Variants in THSD7B observed in about 807,000 individuals in gnomAD.
THSD7B encodes the protein thrombospondin type-1 domain-containing protein 7B.
In THSD7B, 138 loss-of-function variants were observed where a neutral mutation model predicts 213.6. The observed-to-expected ratio is 0.65, with a 90% confidence interval of 0.56 to 0.74. The LOEUF (loss-of-function observed/expected upper bound fraction) is 0.74, where lower values mean the gene tolerates loss of function less well. Among genes scored for constraint, THSD7B ranks in the 30% least tolerant of loss-of-function variants. The probability of loss-of-function intolerance (pLI) is 0.00; values close to 1 mark genes in which losing one functional copy is unlikely to be tolerated. For synonymous variants in THSD7B, 742 were observed against 687.0 expected, an observed-to-expected ratio of 1.08 and a Z score of -1.25; for missense variants, 1,931 against 1,991.5, an observed-to-expected ratio of 0.97 and a Z score of 0.58.
At chr2:137,413,783 A>C (rs974677780) in intron 14 of THSD7B, among the ~76,000 whole-genome samples, 2 of 152,138 alleles carry the variant, frequency 1.3e-5, no homozygotes, top group African/African-American at 4.8e-5. Context: ...GGGGTAAGTA[A>C]TGTTATCCAA....
chr2:137,138,513 T>C (rs1026691505), intron 5 of THSD7B, among the ~76,000 whole-genome samples: 3 of 152,198 alleles, frequency 2.0e-5, no homozygotes, highest in African/African-American at 4.8e-5. Context: ...GTGTGCTCAT[T>C]GTATACCTTC....
At chr2:137,675,196 C>A (rs1398759851) in intron 27 of THSD7B, among the ~76,000 whole-genome samples, 1 of 151,856 alleles carries the variant, frequency 6.6e-6, no homozygotes, top group East Asian at 1.9e-4. Flanking sequence ...GGAGGGACTG[C>A]TTGGAAGAGT....
At chr2:137,178,176 CAGTG>C (rs1367440820) in intron 7 of THSD7B, among the ~76,000 whole-genome samples, 1 of 149,318 alleles carries the variant, frequency 6.7e-6, no homozygotes, top group Admixed American at 6.7e-5. Context: ...CAGAAGCAAG[CAGTG>C]AGTAAATTTT....
At chr2:136,820,784 A>G (rs1031098542) in intron 1 of THSD7B, among the ~76,000 whole-genome samples, 1 of 152,228 alleles carries the variant, frequency 6.6e-6, no homozygotes, top group African/African-American at 2.4e-5. Context: ...TACAAAATAC[A>G]TATGAAGTAT....
intron 3 of THSD7B, among the ~76,000 whole-genome samples, chr2:137,069,125 C>T (rs73958321): frequency 0.012 from 1,787 of 152,122 alleles, 35 homozygotes; most frequent in African/African-American, 0.04. Flanking sequence ...TGTCTCAGTG[C>T]ACATCCTAAT....
chr2:137,014,585 G>T (rs1290714249), intron 2 of THSD7B, among the ~76,000 whole-genome samples: 1 of 152,118 alleles, frequency 6.6e-6, no homozygotes, highest in Non-Finnish European at 1.5e-5. Context: ...CTTTCATTTG[G>T]TCTATTAAAG....
At chr2:137,405,472 G>T in intron 12 of THSD7B, 141 bp from the exon 13 acceptor site, 1 of 584,272 alleles carries the variant, frequency 1.7e-6, no homozygotes, top group Non-Finnish European at 2.8e-6. Flanking sequence ...AGAGAAATAA[G>T]GTTAGCTATG....
intron 7 of THSD7B, among the ~76,000 whole-genome samples, chr2:137,214,657 C>T (rs1180789931): frequency 6.6e-6 from 1 of 151,868 alleles, no homozygotes; most frequent in Admixed American, 6.6e-5. Context: ...TGTTCAACTC[C>T]CACTTACGAG....
intron 2 of THSD7B, among the ~76,000 whole-genome samples, chr2:136,955,209 GA>G (rs1401197558): frequency 4.6e-5 from 7 of 152,168 alleles, no homozygotes; most frequent in African/African-American, 1.4e-4. Flanking sequence ...TGTGCAATTT[GA>G]GGTGATGTTT....
chr2:137,554,008 A>G (rs1420208988), intron 15 of THSD7B, among the ~76,000 whole-genome samples: 1 of 141,094 alleles, frequency 7.1e-6, no homozygotes, highest in African/African-American at 2.7e-5. Flanking sequence ...ATTTTTCACG[A>G]TTCTTAAAAG....
intron 1 of THSD7B, among the ~76,000 whole-genome samples, chr2:136,809,617 A>G (rs2433919): frequency 0.99 from 150,838 of 152,290 alleles, 74,710 homozygotes; most frequent in East Asian, 1. Flanking sequence ...CAGAGGAACA[A>G]CAAAGTTAGA....
intron 1 of THSD7B, among the ~76,000 whole-genome samples, chr2:136,859,083 C>G (rs1466506118): frequency 6.6e-6 from 1 of 152,156 alleles, no homozygotes; most frequent in East Asian, 1.9e-4. Flanking sequence ...CTAATGTCCT[C>G]TAGGATTAGT....
At chr2:137,204,154 C>T (rs1235157946) in intron 7 of THSD7B, among the ~76,000 whole-genome samples, 1 of 152,086 alleles carries the variant, frequency 6.6e-6, no homozygotes, top group African/African-American at 2.4e-5. Context: ...TTACATGGCA[C>T]CTGGAGTGGG....
chr2:136,826,247 A>T (rs1682645056), intron 1 of THSD7B, among the ~76,000 whole-genome samples: 1 of 152,228 alleles, frequency 6.6e-6, no homozygotes, highest in Admixed American at 6.5e-5. Context: ...GTTTAATAAG[A>T]AGCCAGGTTC....
chr2:137,466,545 A>T (rs1009783672), intron 15 of THSD7B, among the ~76,000 whole-genome samples: 6 of 151,552 alleles, frequency 4.0e-5, no homozygotes, highest in Admixed American at 2.6e-4. Flanking sequence ...ACTGTGTTTT[A>T]TGTGTGGCCC....
At chr2:137,050,622 A>C (rs1221609774) in intron 2 of THSD7B, among the ~76,000 whole-genome samples, 3 of 152,214 alleles carry the variant, frequency 2.0e-5, no homozygotes, top group Admixed American at 2.0e-4. Context: ...TACCTTTATA[A>C]GTAAATCTTT....
Position 136,954,740 on chromosome 2 carries a change from T to TAAAAAAAAAAAAAAG in THSD7B, c.139+72424_139+72425insAAAAAAAAAAAAAGA, listed in dbSNP as rs773677139. ...AAAAAAAAAAAAAAAAAAAAGAAAT[T>TAAAAAAAAAAAAAAG]ACATAAGAGCTTTTATACTGTTTAT... On this transcript the variant is annotated intron_variant, in intron 2 of 27. Transcript: ENST00000409968. 1.1e-4 allele frequency among the ~76,000 whole-genome samples: 15 copies of TAAAAAAAAAAAAAAG among 137,488 alleles called. 1 individual carries two copies. The highest frequency in any genetic ancestry group is 4.3e-4 in the East Asian group (2 of 4,652). The allele number at this position is 137,488 out of a possible 152,430, so 90.2% of individuals were successfully genotyped here.
intron 16 of THSD7B, among the ~76,000 whole-genome samples, chr2:137,569,634 G>C (rs952071947): frequency 6.6e-6 from 1 of 151,892 alleles, no homozygotes; most frequent in African/African-American, 2.4e-5. Flanking sequence ...TCTTTGTTCT[G>C]TGTTGTAAAT....
chr2:137,427,704 C>T (rs1441941173), intron 14 of THSD7B, among the ~76,000 whole-genome samples: 1 of 152,012 alleles, frequency 6.6e-6, no homozygotes, highest in Non-Finnish European at 1.5e-5. Flanking sequence ...GAATGCTGAT[C>T]AAAGCGTACA....
Sources: allele counts gnomAD v4.1 joint callset (sites outside exome capture counted in the v4.1 genomes callset), GRCh38; gene constraint gnomAD v4.1.1; transcripts MANE v1.5; gene names NCBI Gene and HGNC (gene_info 2026-07-23, HGNC 2026-07-21).